Variants in MAU2 observed in about 807,000 individuals in gnomAD.
The protein encoded by MAU2 is MAU2 sister chromatid cohesion factor.
Under a neutral mutation model 89.1 loss-of-function variants are expected in MAU2, and 9 were observed. The ratio of observed to expected loss-of-function variants is 0.10; its 90% confidence interval spans 0.06 to 0.18. The LOEUF is 0.18. MAU2 is among the 10% of genes least tolerant of loss of function. The pLI, the probability that MAU2 is intolerant of heterozygous loss-of-function variation, is 1.00. For missense variants in MAU2, 425 were observed against 803.5 expected (o/e 0.53, Z 5.69); for synonymous variants, 357 against 343.4 (o/e 1.04, Z -0.44).
intron 10 of MAU2, chr19:19,344,614 C>T (rs891232609): frequency 1.7e-6 from 1 of 577,542 alleles, no homozygotes; most frequent in Admixed American, 3.0e-5. Flanking sequence ...TCCTTTACAA[C>T]CCAGACACCT....
At chr19:19,343,579 C>T (rs935440732) in intron 9 of MAU2, among the ~76,000 whole-genome samples, 3 of 151,964 alleles carry the variant, frequency 2.0e-5, no homozygotes, top group African/African-American at 7.2e-5. Context: ...CTCTTGAGCA[C>T]GTAGGGTGAG....
At chr19:19,344,747 A>G in intron 10 of MAU2, 102 bp from the exon 11 acceptor site, 2 of 917,822 alleles carry the variant, frequency 2.2e-6, no homozygotes, top group Non-Finnish European at 3.5e-6. Flanking sequence ...TTGGTCAGAC[A>G]GGACATGGGC....
intron 7 of MAU2, 70 bp from the exon 8 acceptor site, chr19:19,342,465 G>A: frequency 6.7e-7 from 1 of 1,500,022 alleles, no homozygotes; most frequent in Admixed American, 2.3e-5. Context: ...AGGAGCAGGG[G>A]TGGCTGGGCT....
intron 1 of MAU2, among the ~76,000 whole-genome samples, chr19:19,325,409 C>CAG (rs2061496160): frequency 6.6e-6 from 1 of 152,156 alleles, no homozygotes; most frequent in Non-Finnish European, 1.5e-5. Context: ...CTCCTGACGT[C>CAG]AGGTGATCCA....
chr19:19,345,181 G>A lies in MAU2; in HGVS notation c.1156-123G>A. The A allele has an allele frequency of 1.1e-6, 1 of 876,802 alleles. No individual in the cohort carries two copies. The highest frequency in any genetic ancestry group is 1.9e-6 in the Non-Finnish European group (1 of 536,898). The allele number at this position is 876,802 out of a possible 1,614,324, so 54.3% of individuals were successfully genotyped here. A position where few individuals can be genotyped will look rare whatever the true frequency, so the allele number is the denominator to read the frequency against. On this transcript the variant is annotated intron_variant, in intron 11 of 18. Coordinates refer to ENST00000262815, the MANE Select transcript of MAU2 (RefSeq NM_015329.4). This position sits in a 1 kb window ranked among gnomAD's most constrained non-coding sequence, Gnocchi z 4.9. ...GAGCATATTACCTGCCTTGCAGCTG[G>A]CTCGGTAGAGCCATTGTCATACTCC... is the stretch of plus-strand genomic sequence containing the variant.
Position 19,336,112 on chromosome 19 carries a change from A to G in MAU2, c.295-10A>G, listed in dbSNP as rs368788982. ...GCAGTGTCTGTACTTCCTTAACTGG[A>G]CGTCACTAGATCCCGCAGTTCGAAG... On this transcript the variant is annotated splice_polypyrimidine_tract_variant and intron_variant, in intron 2 of 18. Coordinates refer to ENST00000262815, the MANE Select transcript of MAU2 (RefSeq NM_015329.4). 6.2e-7 allele frequency: 1 copy of G among 1,608,666 alleles called. No individual in the cohort carries two copies. The highest frequency in any genetic ancestry group is 1.3e-5 in the African/African-American group (1 of 74,772).
intron 12 of MAU2, among the ~76,000 whole-genome samples, chr19:19,346,520 A>G (rs2061694227): frequency 2.0e-5 from 3 of 152,078 alleles, no homozygotes; most frequent in African/African-American, 7.2e-5. Context: ...CCCTGAAACA[A>G]ACATCTCCCA....
intron 1 of MAU2, among the ~76,000 whole-genome samples, chr19:19,325,973 C>T (rs1254170007): frequency 2.7e-5 from 4 of 148,916 alleles, no homozygotes; most frequent in Admixed American, 1.3e-4. Context: ...CTGCTTCTGT[C>T]AGTTTCTAAT....
chr19:19,331,755 AAAAC>A (rs1225766942), intron 1 of MAU2, among the ~76,000 whole-genome samples: 2 of 152,176 alleles, frequency 1.3e-5, no homozygotes, highest in African/African-American at 4.8e-5. Context: ...AAAAAAAAGA[AAAAC>A]AAAACTCTAA....
intron 10 of MAU2, 124 bp downstream of exon 10, chr19:19,344,064 C>T (rs371800931): frequency 2.6e-5 from 20 of 759,706 alleles, no homozygotes; most frequent in African/African-American, 5.1e-5. Flanking sequence ...GTCTCGCTGT[C>T]GGCCAGCGTT....
At chr19:19,334,096 C>A in intron 1 of MAU2, 1 of 890,954 alleles carries the variant, frequency 1.1e-6, no homozygotes, top group Non-Finnish European at 1.3e-6. Flanking sequence ...CAGTGGGATG[C>A]AGCAGCTTCT....
chr19:19,329,255 T>TA (rs11411903), intron 1 of MAU2, among the ~76,000 whole-genome samples: 20,399 of 152,162 alleles, frequency 0.13, 1,540 homozygotes, highest in African/African-American at 0.2. Flanking sequence ...AGCTGGCCGT[T>TA]ACGCAGTTTC....
chr19:19,348,556 GCCCAC>G, intron 13 of MAU2: 8 of 494,768 alleles, frequency 1.6e-5, no homozygotes, highest in Non-Finnish European at 2.6e-5. Flanking sequence ...CACCCCCACA[GCCCAC>G]AGGGCTCACG....
At chr19:19,344,128 G>A (rs2146692838) in intron 10 of MAU2, 188 bp downstream of exon 10, 2 of 587,248 alleles carry the variant, frequency 3.4e-6, no homozygotes, top group South Asian at 3.9e-5. Context: ...AAAACCAGTG[G>A]AGGCCGGGCG....
intron 10 of MAU2, chr19:19,344,158 T>C: frequency 1.9e-6 from 1 of 530,276 alleles, no homozygotes; most frequent in South Asian, 2.1e-5. Flanking sequence ...ACGCCTGTCA[T>C]CCCAGCAGTT....
chr19:19,335,795 T>C, intron 2 of MAU2, 60 bp downstream of exon 2: 2 of 1,586,222 alleles, frequency 1.3e-6, no homozygotes, highest in Middle Eastern at 1.7e-4. Flanking sequence ...ATAAAAAGAA[T>C]GTATCAAAGC....
Position 19,356,625 on chromosome 19 carries a change from C to G in MAU2, c.*843C>G, listed in dbSNP as rs2048182398. On this transcript the variant is annotated 3_prime_UTR_variant, in exon 19 of 19. Transcript: ENST00000262815. ...AATTTAAGATCACCTCCTCAGCTAG[C>G]TTAGAGTGCGTGGCACGGGCCCCCC... 6.4e-6 allele frequency: 1 copy of G among 156,010 alleles called. No individual in the cohort carries two copies. Among genetic ancestry groups the G allele is most frequent in the Non-Finnish European group, 1.4e-5 (1 of 70,636 alleles). The allele number at this position is 156,010 out of a possible 1,614,324, so 9.7% of individuals were successfully genotyped here.
rs375425486 is a variant in MAU2, at chr19:19,320,895, G to A, written c.36G>A (p.Ala12=). 10 of 1,497,386 alleles carry A rather than the reference G, an allele frequency of 6.7e-6. No individual in the cohort carries two copies. Among genetic ancestry groups the A allele is most frequent in the Non-Finnish European group, 9.0e-6 (10 of 1,110,384 alleles). 92.8% of individuals were successfully genotyped at this position (1,497,386 alleles called of 1,614,324 possible). A position where few individuals can be genotyped will look rare whatever the true frequency, so the allele number is the denominator to read the frequency against. Residue 12 remains alanine (A), a synonymous_variant, in exon 1 of 19, where the codon GCG becomes GCA. Transcript: ENST00000262815. ...AAQAAAAAQA[A]AAQAAQAEAA... ...AGGCGGCGGCAGCGGCCCAGGCGGC[G>A]GCGGCCCAGGCTGCGCAGGCCGAGG...
rs990355871 is a variant in MAU2, at chr19:19,342,460, C to T, written c.736-75C>T. 4.0e-6 allele frequency: 6 copies of T among 1,493,342 alleles called. No individual in the cohort carries two copies. In the Admixed American group the frequency reaches 1.4e-4, roughly 34 times the overall value. The allele number at this position is 1,493,342 out of a possible 1,614,324, so 92.5% of individuals were successfully genotyped here. A position where few individuals can be genotyped will look rare whatever the true frequency, so the allele number is the denominator to read the frequency against. ...GGCAGATGCTCCCTAGAGGAAGGAG[C>T]AGGGGTGGCTGGGCTGGGCCTGGCT... On this transcript the variant is annotated intron_variant, in intron 7 of 18. Coordinates refer to ENST00000262815, the MANE Select transcript of MAU2 (RefSeq NM_015329.4).
Sources: gnomAD v4.1 joint callset for allele counts (sites outside exome capture counted in the v4.1 genomes callset) on GRCh38, gnomAD v4.1.1 for gene constraint, Gnocchi (gnomAD v3.1) non-coding constraint, MANE v1.5 for transcripts, NCBI Gene and HGNC (gene_info 2026-07-23, HGNC 2026-07-21) for gene names.